RELN: variants seen among roughly 807,000 people sequenced by gnomAD.
RELN encodes the protein reelin.
Under a neutral mutation model 427.6 loss-of-function variants are expected in RELN, and 108 were observed. The ratio of observed to expected loss-of-function variants is 0.25; its 90% confidence interval spans 0.22 to 0.30. The LOEUF is 0.30. RELN is among the 10% of genes least tolerant of loss of function. The probability of loss-of-function intolerance (pLI) is 1.00; values close to 1 mark genes in which losing one functional copy is unlikely to be tolerated. For synonymous variants in RELN, 1,524 were observed against 1,513.4 expected (o/e 1.01, Z -0.16); for missense variants, 3,715 against 4,302.8 (o/e 0.86, Z 3.82).
At chr7:103,930,230 T>C (rs1795830768) in intron 1 of RELN, among the ~76,000 whole-genome samples, 1 of 152,206 alleles carries the variant, frequency 6.6e-6, no homozygotes, top group Non-Finnish European at 1.5e-5. Flanking sequence ...TGTCCCTGCA[T>C]GGCCTTTCAT....
chr7:103,615,036 T>G (rs1832049571), intron 20 of RELN, among the ~76,000 whole-genome samples: 1 of 152,174 alleles, frequency 6.6e-6, no homozygotes, highest in African/African-American at 2.4e-5. Context: ...GAAGCTGAAC[T>G]TCTTTTCTGT....
rs184924730 is a variant in RELN at position 103,766,798 on chromosome 7, G to A, written c.544+9759C>T. ...CTCACTGTTCTGAGGGTGATGAACA[G>A]CTGAAAAACTGCTGAGCCTGGCAGA... On this transcript the variant is annotated intron_variant, in intron 4 of 64. Transcript: ENST00000428762. Among the ~76,000 whole-genome samples, 9 of 152,370 alleles carry A rather than the reference G, an allele frequency of 5.9e-5. No individual in the cohort carries two copies. In the East Asian group the frequency reaches 1.7e-3, roughly 29 times the overall value.
At chr7:103,676,903 G>C (rs952790898) in intron 11 of RELN, among the ~76,000 whole-genome samples, 2 of 152,074 alleles carry the variant, frequency 1.3e-5, no homozygotes, top group Non-Finnish European at 2.9e-5. Context: ...GTGGGAGCAG[G>C]GGGGAGGGAT....
In RELN at chr7:103,989,266, G is replaced by C; in HGVS notation, c.91C>G (p.Pro31Ala). The change falls in exon 1 of 65, where the codon CCC becomes GCC. Residue 31 changes from proline to alanine, a missense_variant. Transcript: ENST00000428762. The surrounding 1 kb of genome is among the most constrained non-coding windows in gnomAD (Gnocchi z 4.9). Reference protein sequence around the residue: ...LRARAAAGYYPRFSPFFFLCT... With the variant: ...LRARAAAGYYARFSPFFFLCT... Reference sequence around the variant, plus strand: ...AGGAAAAAGAAGGGCGAAAAGCGGGGGTAATAGCCAGCCGCCGCGCGCGCC... The same window carrying C: ...AGGAAAAAGAAGGGCGAAAAGCGGGCGTAATAGCCAGCCGCCGCGCGCGCC... 6.2e-7 allele frequency: 1 copy of C among 1,613,758 alleles called. No homozygotes were observed. The highest frequency in any genetic ancestry group is 8.5e-7 in the Non-Finnish European group (1 of 1,179,946).
intron 6 of RELN, among the ~76,000 whole-genome samples, chr7:103,730,550 C>T (rs1790328938): frequency 6.6e-6 from 1 of 151,810 alleles, no homozygotes; most frequent in Non-Finnish European, 1.5e-5. Flanking sequence ...CCATTGAACT[C>T]AACAATCCAC....
At chr7:103,588,970 C>T (rs888083609) in intron 28 of RELN, among the ~76,000 whole-genome samples, 19 of 128,734 alleles carry the variant, frequency 1.5e-4, no homozygotes, top group African/African-American at 5.4e-4. Flanking sequence ...TTGTTTCATG[C>T]ATTTTTTTTG....
At chr7:103,938,352 G>A (rs1796033131) in intron 1 of RELN, among the ~76,000 whole-genome samples, 1 of 152,064 alleles carries the variant, frequency 6.6e-6, no homozygotes, top group Admixed American at 6.6e-5. Flanking sequence ...CCTATATTGT[G>A]TCTCCCAGAC....
intron 31 of RELN, among the ~76,000 whole-genome samples, chr7:103,568,774 G>A (rs1007161689): frequency 3.3e-5 from 5 of 152,196 alleles, no homozygotes; most frequent in African/African-American, 1.2e-4. Context: ...GAGAGAGGCT[G>A]AGATTGAGAT....
At chr7:103,963,961 G>C (rs907836124) in intron 1 of RELN, among the ~76,000 whole-genome samples, 1 of 151,958 alleles carries the variant, frequency 6.6e-6, no homozygotes, top group African/African-American at 2.4e-5. Context: ...CCAGGACTTT[G>C]GCATCCAGGG....
intron 8 of RELN, among the ~76,000 whole-genome samples, chr7:103,708,157 T>C (rs1476300307): frequency 1.3e-5 from 2 of 152,164 alleles, no homozygotes; most frequent in African/African-American, 2.4e-5. Context: ...TTAGAAAAAA[T>C]AGACAAGTAA....
intron 11 of RELN, among the ~76,000 whole-genome samples, chr7:103,661,737 A>G (rs934180287): frequency 6.6e-6 from 1 of 152,166 alleles, no homozygotes; most frequent in Admixed American, 6.5e-5. Flanking sequence ...ATTCACAGTT[A>G]TAGTTTTCCT....
chr7:103,652,595 C>T lies in RELN; in HGVS notation c.1719G>A (p.Gln573=). The T allele has an allele frequency of 6.2e-7, 1 of 1,612,864 alleles. No homozygotes were observed. Among genetic ancestry groups the T allele is most frequent in the East Asian group, 2.2e-5 (1 of 44,790 alleles). Residue 573 remains glutamine, a synonymous_variant, in exon 14 of 65, where the codon CAG becomes CAA. Transcript: ENST00000428762. ...VLPSTMSHMI[Q]FSINLGCGTH... The stretch of plus-strand genomic sequence containing the variant: ...TTCCACATCCCAGATTGATGGAAAA[C>T]TGTATCATGTGAGACATTGTAGAAG...
At chr7:103,978,958 A>G (rs1280824792) in intron 1 of RELN, among the ~76,000 whole-genome samples, 1 of 152,216 alleles carries the variant, frequency 6.6e-6, no homozygotes, top group Non-Finnish European at 1.5e-5. Context: ...TCATCAGAGA[A>G]TGGTACAGGG....
intron 17 of RELN, among the ~76,000 whole-genome samples, chr7:103,639,224 A>G (rs1832646324): frequency 6.6e-6 from 1 of 152,180 alleles, no homozygotes; most frequent in Non-Finnish European, 1.5e-5. Context: ...CAGTTTGGAA[A>G]TATAGATGGA....
At chr7:103,631,624 C>G (rs77622743) in intron 19 of RELN, among the ~76,000 whole-genome samples, 6,124 of 152,120 alleles carry the variant, frequency 0.04, 169 homozygotes, top group East Asian at 0.14. Flanking sequence ...AAATACATAG[C>G]TATAATACAT....
chr7:103,910,412 C>A (rs1365570860), intron 2 of RELN, among the ~76,000 whole-genome samples: 4 of 151,678 alleles, frequency 2.6e-5, no homozygotes, highest in Admixed American at 6.6e-5. Context: ...ATTTCCTTCT[C>A]CTGCCTAATT....
rs554065931 is a variant in RELN at position 103,480,863 on chromosome 7, A to G, written c.10280+2010T>C. Among the ~76,000 whole-genome samples the G allele has an allele frequency of 2.0e-5, 3 of 152,360 alleles. No homozygotes were observed. In the South Asian group the frequency reaches 6.2e-4, roughly 32 times the overall value. On this transcript the variant is annotated intron_variant, in intron 63 of 64. Coordinates refer to ENST00000428762, the MANE Select transcript of RELN (RefSeq NM_005045.4). ...TCATTCAAAATGTTTTAGTGCTCTG[A>G]GAGTTTGAGATAATAATGCAGGATA...
In RELN at chr7:103,594,440, G is replaced by A. The variant is rs770490289; in HGVS notation, c.3592C>T (p.Arg1198Cys). 11 of 1,613,822 alleles carry A rather than the reference G, an allele frequency of 6.8e-6. No homozygotes were observed. Among genetic ancestry groups the A allele is most frequent in the African/African-American group, 5.3e-5 (4 of 74,906 alleles). Residue 1198 changes from arginine to cysteine, a missense_variant, in exon 26 of 65, where the codon CGC becomes TGC. This residue lies in a region of RELN where 2,208 missense variants were observed against 2,361.7 expected (regional missense o/e 0.93). Transcript: ENST00000428762. ...AAAKTPCTRF[R>C]WWQPVFSGED... The stretch of plus-strand genomic sequence containing the variant: ...CCTGAGAACACGGGCTGCCACCAGC[G>A]GAACCTGGTGCAAGGGGTCTTGGCA...
chr7:103,647,075 G>A lies in RELN; in HGVS notation c.2002+3199C>T, dbSNP rs187902756. Among the ~76,000 whole-genome samples, 570 of 151,682 alleles carry A rather than the reference G, an allele frequency of 3.8e-3. 4 individuals are homozygous for A. Among genetic ancestry groups the A allele is most frequent in the African/African-American group, 0.013 (536 of 41,396 alleles). ...AACATACCTCAAAATAATAAAGGCCGTATATGACAAACCCAAAGCCAACAT... is the reference window on the plus strand; with the variant it reads ...AACATACCTCAAAATAATAAAGGCCATATATGACAAACCCAAAGCCAACAT... On this transcript the variant is annotated intron_variant, in intron 16 of 64. Transcript: ENST00000428762.
Sources: gnomAD v4.1 joint callset for allele counts (sites outside exome capture counted in the v4.1 genomes callset) on GRCh38, gnomAD v4.1.1 for gene constraint, gnomAD v4.1.1 regional missense constraint, Gnocchi (gnomAD v3.1) non-coding constraint, MANE v1.5 for transcripts, NCBI Gene and HGNC (gene_info 2026-07-23, HGNC 2026-07-21) for gene names.